Variants in AIFM3 observed in about 807,000 individuals in gnomAD.
AIFM3 encodes apoptosis-inducing factor 3.
AIFM3 carries 71 observed loss-of-function variants against 82.7 expected under a neutral mutation model. The observed-to-expected ratio is 0.86, with a 90% CI of 0.71 to 1.05. AIFM3 has a LOEUF of 1.05. AIFM3 is among the 50% of genes least tolerant of loss of function. The pLI is 0.00. For synonymous variants in AIFM3, 337 were observed against 329.1 expected (o/e 1.02, Z -0.26); for missense variants, 748 against 816.7 (o/e 0.92, Z 1.03).
At chr22:20,968,059 T>G in intron 2 of AIFM3, 84 bp downstream of exon 2, 1 of 1,412,628 alleles carries the variant, frequency 7.1e-7, no homozygotes, top group Non-Finnish European at 9.6e-7. Context: ...CCCTCTGCAC[T>G]CGGTAGGCCT....
chr22:20,971,969 G>C (rs536725655), intron 2 of AIFM3, among the ~76,000 whole-genome samples: 25 of 145,944 alleles, frequency 1.7e-4, no homozygotes, highest in African/African-American at 6.7e-4. Context: ...GAGGCTGTGG[G>C]GGGGGGGGGC....
chr22:20,974,164 A>G lies in AIFM3; in HGVS notation c.457A>G (p.Lys153Glu). 1 of 1,613,422 alleles carries G rather than the reference A, an allele frequency of 6.2e-7. No individual in the cohort carries two copies. Among genetic ancestry groups the G allele is most frequent in the African/African-American group, 1.3e-5 (1 of 75,006 alleles). ...CTTCCCTGGCCTGGACAGTCTACAC[A>G]AGTTCCAGGTGGGGCCAGGAGTGCG... ...EDFPGLDSLHKFQVKIEKEKV... is the reference protein window; with the variant it reads ...EDFPGLDSLHEFQVKIEKEKV... The change falls in exon 5 of 21, where the codon AAG becomes GAG. Residue 153 changes from lysine to glutamate, a missense_variant. By Grantham distance (56) the Lys-to-Glu change is moderately conservative. Transcript: ENST00000440238.
intron 14 of AIFM3, chr22:20,977,309 C>T (rs984843509): frequency 4.7e-6 from 3 of 644,242 alleles, no homozygotes; most frequent in South Asian, 1.9e-5. Context: ...TCCCAGTGCC[C>T]GCTGCCCAGT....
Position 20,977,986 on chromosome 22 carries a change from G to A in AIFM3, c.1458G>A (p.Trp486Ter). The A allele has an allele frequency of 6.2e-7, 1 of 1,614,134 alleles. No individual in the cohort carries two copies. The highest frequency in any genetic ancestry group is 1.1e-5 in the South Asian group (1 of 91,086). Residue 486 changes from tryptophan (W) to a stop codon, truncating the protein, a stop_gained, in exon 16 of 21, where the codon TGG becomes TGA. Transcript: ENST00000440238. LOFTEE classifies it high-confidence loss of function. ...ACCGCAAAGTGAACATTCCACATTG[G>A]CAGATGGCTCATGCTCAGGGTATGG... Reference protein sequence around the residue: ...RNNRKVNIPHWQMAHAQGRVA... With the variant: ...RNNRKVNIPH
chr22:20,969,258 G>A (rs894275443), intron 2 of AIFM3, among the ~76,000 whole-genome samples: 1 of 152,168 alleles, frequency 6.6e-6, no homozygotes, highest in Non-Finnish European at 1.5e-5. Flanking sequence ...TTCCAGTGTC[G>A]GGGGTGGCCA....
chr22:20,976,415 AC>A lies in AIFM3; in HGVS notation c.908del (p.Thr303IlefsTer2), dbSNP rs762035787. On this transcript the variant is annotated frameshift_variant, in exon 11 of 21. Coordinates refer to ENST00000440238, the MANE Select transcript of AIFM3 (RefSeq NM_001386814.1). LOFTEE classifies it high-confidence loss of function. The stretch of plus-strand genomic sequence containing the variant: ...GACACGGCCATGTCTCAGCCCCAAG[AC>A]TCTGAGCTGCAAAGGCAAAGAAGTG... ...LLLAPGSSPK[T>X]LSCKGKEVEN... 2 of 1,613,864 alleles carry A rather than the reference AC, an allele frequency of 1.2e-6. No individual in the cohort carries two copies. Among genetic ancestry groups the A allele is most frequent in the Non-Finnish European group, 1.7e-6 (2 of 1,179,992 alleles).
In AIFM3 at chr22:20,977,737, C is replaced by T. The variant is rs1188472398; in HGVS notation, c.1320C>T (p.Gly440=). ...CCACAGGCTTCCTGAGGCAAAGCGG[C>T]ATCGGTTTGGATTCCCGAGGCTTCA... is the stretch of plus-strand genomic sequence containing the variant. ...VPATGFLRQS[G]IGLDSRGFIP... The change falls in exon 15 of 21, where the codon GGC becomes GGT. Residue 440 remains glycine, a synonymous_variant. Transcript: ENST00000440238. 8 of 1,614,182 alleles carry T rather than the reference C, an allele frequency of 5.0e-6. No individual in the cohort carries two copies. Among genetic ancestry groups the T allele is most frequent in the Non-Finnish European group, 6.8e-6 (8 of 1,180,030 alleles).
chr22:20,975,984 G>A (rs887293416), intron 9 of AIFM3, among the ~76,000 whole-genome samples: 1 of 152,262 alleles, frequency 6.6e-6, no homozygotes, highest in African/African-American at 2.4e-5. Context: ...GTGTGGAGAT[G>A]AACGATCAGG....
intron 4 of AIFM3, 90 bp downstream of exon 4, chr22:20,973,957 G>A: frequency 2.0e-6 from 3 of 1,470,922 alleles, no homozygotes; most frequent in Middle Eastern, 2.4e-4. Flanking sequence ...TCATCTATTA[G>A]TGAAGTCTCC....
In AIFM3 at chr22:20,980,800, C is replaced by T. The variant is rs200995022; in HGVS notation, c.1778+33C>T. 4 of 1,613,928 alleles carry T rather than the reference C, an allele frequency of 2.5e-6. No individual in the cohort carries two copies. The East Asian group carries it at 8.9e-5, about 36-fold the overall frequency. On this transcript the variant is annotated intron_variant, in intron 20 of 20. Coordinates refer to ENST00000440238, the MANE Select transcript of AIFM3 (RefSeq NM_001386814.1). Reference sequence around the variant, plus strand: ...TGTCCTTCATGTTGACCGTTCTGAGCCTTTCCCATGTCAGCCCAGACCCTC... The same window carrying T: ...TGTCCTTCATGTTGACCGTTCTGAGTCTTTCCCATGTCAGCCCAGACCCTC...
At chr22:20,977,229 C>G (rs913507508) in intron 14 of AIFM3, 134 bp downstream of exon 14, 1 of 1,255,262 alleles carries the variant, frequency 8.0e-7, no homozygotes, top group Non-Finnish European at 1.1e-6. Flanking sequence ...AACCCCCAAC[C>G]GCCCCCACTT....
Position 20,976,208 on chromosome 22 carries a change from A to ATTGCCTGGTGGGGT in AIFM3, c.808-3_808-2insCTGGTGGGGTTTGC, listed in dbSNP as rs1923643182. ...CAAGCTCATGCTCTGCCTGGTGGGGATTGCAGGTGGTCACAGTGGACGTGA... is the reference window on the plus strand; with the variant it reads ...CAAGCTCATGCTCTGCCTGGTGGGGATTGCCTGGTGGGGTTTGCAGGTGGTCACAGTGGACGTGA... On this transcript the variant is annotated splice_region_variant and splice_polypyrimidine_tract_variant and intron_variant, in intron 9 of 20. Coordinates refer to ENST00000440238, the MANE Select transcript of AIFM3 (RefSeq NM_001386814.1). 4.3e-6 allele frequency: 7 copies of ATTGCCTGGTGGGGT among 1,612,242 alleles called. 1 individual carries two copies. The East Asian group carries it at 1.6e-4, about 36-fold the overall frequency.
Position 20,979,409 on chromosome 22 carries a change from T to C in AIFM3, c.1576+40T>C, listed in dbSNP as rs574436392. The C allele has an allele frequency of 4.6e-5, 71 of 1,537,330 alleles. No homozygotes were observed. The South Asian group carries it at 8.1e-4, about 18-fold the overall frequency. On this transcript the variant is annotated intron_variant, in intron 17 of 20. Coordinates refer to ENST00000440238, the MANE Select transcript of AIFM3 (RefSeq NM_001386814.1). ...TCGGATGGGGGCGGGGCCGAGGGCGTTTAGGGGCGGGGCTTGGGTGTGGGG... is the reference window on the plus strand; with the variant it reads ...TCGGATGGGGGCGGGGCCGAGGGCGCTTAGGGGCGGGGCTTGGGTGTGGGG...
chr22:20,978,077 C>T, intron 16 of AIFM3, 72 bp downstream of exon 16: 1 of 1,443,894 alleles, frequency 6.9e-7, no homozygotes, highest in Non-Finnish European at 9.7e-7. Context: ...ATGCCCATGC[C>T]TCAGTTGCTG....
At chr22:20,977,852 G>C (rs1448888405) in intron 15 of AIFM3, 36 bp from the exon 16 acceptor site, 1 of 1,613,854 alleles carries the variant, frequency 6.2e-7, no homozygotes, top group African/African-American at 1.3e-5. Flanking sequence ...CAGGGCCCCT[G>C]TCACACCCAT....
In AIFM3 at chr22:20,974,261, G is replaced by A. The variant is rs1399601367; in HGVS notation, c.475G>A (p.Glu159Lys). The change falls in exon 6 of 21, where the codon GAG becomes AAG. Residue 159 changes from glutamate to lysine, a missense_variant. Transcript: ENST00000440238. ...DSLHKFQVKI[E>K]KEKVYVRASK... Reference sequence around the variant, plus strand: ...AATGCAGCCCTTGCAGGTGAAGATTGAGAAGGAGAAGGTGTACGTCCGGGC... The same window carrying A: ...AATGCAGCCCTTGCAGGTGAAGATTAAGAAGGAGAAGGTGTACGTCCGGGC... The A allele has an allele frequency of 1.2e-6, 2 of 1,613,780 alleles. No individual in the cohort carries two copies. Among genetic ancestry groups the A allele is most frequent in the African/African-American group, 2.7e-5 (2 of 74,902 alleles).
At chr22:20,978,666 T>C (rs1224319013) in intron 16 of AIFM3, among the ~76,000 whole-genome samples, 1 of 151,892 alleles carries the variant, frequency 6.6e-6, no homozygotes, top group East Asian at 1.9e-4. Context: ...CACCTGAGGG[T>C]CTGCTGCTTG....
chr22:20,974,301 G>A lies in AIFM3; in HGVS notation c.510+5G>A, dbSNP rs562696343. 1.2e-5 allele frequency: 20 copies of A among 1,613,376 alleles called. No homozygotes were observed. The South Asian group carries it at 2.1e-4, about 17-fold the overall frequency. On this transcript the variant is annotated splice_donor_5th_base_variant and intron_variant, in intron 6 of 20. Coordinates refer to ENST00000440238, the MANE Select transcript of AIFM3 (RefSeq NM_001386814.1). ...TACGTCCGGGCCAGCAAGCAGGTGA[G>A]GGGATAGCTCGGGGCTCAGGCAGAA...
rs763542683 is a variant in AIFM3, at chr22:20,975,757, C to T, written c.786C>T (p.Ile262=). 1.3e-5 allele frequency: 21 copies of T among 1,613,152 alleles called. No homozygotes were observed. The highest frequency in any genetic ancestry group is 2.2e-5 in the East Asian group (1 of 44,892). ...AGGAGTTTTTCCGAGCCTATGGCATCGAGGTGCTCACCGAGGCTCAGGTAC... is the reference window on the plus strand; with the variant it reads ...AGGAGTTTTTCCGAGCCTATGGCATTGAGGTGCTCACCGAGGCTCAGGTAC... The part of the protein sequence containing the change: ...RPKEFFRAYG[I]EVLTEAQVVT... Residue 262 remains isoleucine, a synonymous_variant, in exon 9 of 21, where the codon ATC becomes ATT. Coordinates refer to ENST00000440238, the MANE Select transcript of AIFM3 (RefSeq NM_001386814.1).
Sources: gnomAD v4.1 joint callset for allele counts (sites outside exome capture counted in the v4.1 genomes callset) on GRCh38, gnomAD v4.1.1 for gene constraint, MANE v1.5 for transcripts, NCBI Gene and HGNC (gene_info 2026-07-23, HGNC 2026-07-21) for gene names.